Variants in CTNND2 observed in about 807,000 individuals in gnomAD.
CTNND2 encodes the protein catenin delta 2.
CTNND2 carries 22 observed loss-of-function variants against 144.4 expected under a neutral mutation model. The ratio of observed to expected loss-of-function variants is 0.15; its 90% confidence interval spans 0.11 to 0.22. The LOEUF (loss-of-function observed/expected upper bound fraction) is 0.22, where lower values mean the gene tolerates loss of function less well. Among genes scored for constraint, CTNND2 ranks in the 10% least tolerant of loss-of-function variants. CTNND2 has a pLI of 1.00. For synonymous variants in CTNND2, 751 were observed against 695.6 expected, an observed-to-expected ratio of 1.08 and a Z score of -1.25; for missense variants, 1,353 against 1,618.8, an observed-to-expected ratio of 0.84 and a Z score of 2.82.
chr5:11,131,845 T>C (rs1755641887), intron 12 of CTNND2, among the ~76,000 whole-genome samples: 1 of 152,164 alleles, frequency 6.6e-6, no homozygotes. Flanking sequence ...TAATTCCACA[T>C]ATGCAGTCAT....
At chr5:11,449,250 G>A (rs1765101283) in intron 3 of CTNND2, among the ~76,000 whole-genome samples, 1 of 152,064 alleles carries the variant, frequency 6.6e-6, no homozygotes, top group South Asian at 2.1e-4. Context: ...GTCTATAAGA[G>A]AAACCTACGC....
chr5:11,490,195 T>C (rs532608779), intron 3 of CTNND2, among the ~76,000 whole-genome samples: 1 of 152,174 alleles, frequency 6.6e-6, no homozygotes, highest in Non-Finnish European at 1.5e-5. Context: ...TTTTTTAAAA[T>C]TTTCATATGA....
At chr5:11,614,954 C>A (rs964641016) in intron 2 of CTNND2, among the ~76,000 whole-genome samples, 4 of 151,918 alleles carry the variant, frequency 2.6e-5, no homozygotes, top group South Asian at 2.1e-4. Flanking sequence ...TTAAAATGGG[C>A]AATGATGCAA....
chr5:11,340,902 A>G (rs60333373), intron 9 of CTNND2, among the ~76,000 whole-genome samples: 2,149 of 152,328 alleles, frequency 0.014, 51 homozygotes, highest in African/African-American at 0.048. Context: ...CGAATATAAA[A>G]TATTCAACAC....
intron 1 of CTNND2, among the ~76,000 whole-genome samples, chr5:11,794,528 G>C (rs1206741593): frequency 3.3e-5 from 5 of 152,140 alleles, no homozygotes; most frequent in African/African-American, 9.7e-5. Context: ...GATTTGCTTT[G>C]TCATCTGTAG....
Position 11,324,120 on chromosome 5 carries a change from T to C in CTNND2, c.1628+22252A>G, listed in dbSNP as rs576732779. ...GTCCTTGGATCGCTAAGCTACTCTG[T>C]CTTAGGTATTTTCTGACTATGGTCT... On this transcript the variant is annotated intron_variant, in intron 9 of 21. Transcript: ENST00000304623. 2.0e-5 allele frequency among the ~76,000 whole-genome samples: 3 copies of C among 152,264 alleles called. No individual in the cohort carries two copies. In the South Asian group the frequency reaches 6.2e-4, roughly 32 times the overall value.
chr5:11,719,825 CT>C (rs1030946762), intron 2 of CTNND2, among the ~76,000 whole-genome samples: 2 of 133,764 alleles, frequency 1.5e-5, no homozygotes, highest in African/African-American at 6.4e-5. Context: ...GTGGGTAGCT[CT>C]GACATATACA....
intron 9 of CTNND2, among the ~76,000 whole-genome samples, chr5:11,314,667 C>G (rs1751320186): frequency 6.6e-6 from 1 of 152,218 alleles, no homozygotes; most frequent in Non-Finnish European, 1.5e-5. Context: ...GCACCTGGCC[C>G]AGACTGGCTT....
intron 1 of CTNND2, among the ~76,000 whole-genome samples, chr5:11,745,846 T>G (rs1788280846): frequency 6.6e-6 from 1 of 152,204 alleles, no homozygotes; most frequent in Non-Finnish European, 1.5e-5. Context: ...CCAAACTTTC[T>G]TTGACAGAAA....
At chr5:11,081,110 A>ACACACACACACT (rs1311406555) in intron 16 of CTNND2, among the ~76,000 whole-genome samples, 1 of 141,914 alleles carries the variant, frequency 7.0e-6, no homozygotes, top group Non-Finnish European at 1.6e-5. Context: ...ACACACACTC[A>ACACACACACACT]CACACACACA....
At chr5:11,233,948 C>T (rs1164089523) in intron 10 of CTNND2, among the ~76,000 whole-genome samples, 3 of 151,598 alleles carry the variant, frequency 2.0e-5, no homozygotes, top group Non-Finnish European at 4.4e-5. Context: ...TCCCTTCCTT[C>T]TCATCCCAGC....
intron 1 of CTNND2, among the ~76,000 whole-genome samples, chr5:11,864,521 C>G (rs1439350464): frequency 6.6e-6 from 1 of 152,186 alleles, no homozygotes; most frequent in Admixed American, 6.5e-5. Context: ...GGTCCCAGCA[C>G]CTGGCTGACT....
rs746806956 is a variant in CTNND2, at chr5:11,082,718, G to A, written c.2766C>T (p.Asp922=). 6.2e-6 allele frequency: 10 copies of A among 1,614,156 alleles called. No homozygotes were observed. Among genetic ancestry groups the A allele is most frequent in the South Asian group, 5.5e-5 (5 of 91,078 alleles). ...VATALRNMAL[D]VRNKELIGKY... Reference sequence around the variant, plus strand: ...TACCGATGAGCTCCTTATTTCTGACGTCCAAGGCCATGTTCCGCAGCGCAG... The same window carrying A: ...TACCGATGAGCTCCTTATTTCTGACATCCAAGGCCATGTTCCGCAGCGCAG... Residue 922 remains aspartate, a synonymous_variant, in exon 16 of 22, where the codon GAC becomes GAT. Coordinates refer to ENST00000304623, the MANE Select transcript of CTNND2 (RefSeq NM_001332.4).
Position 11,384,790 on chromosome 5 carries a change from G to C in CTNND2, c.1052C>G (p.Ser351Cys), listed in dbSNP as rs761753748. ...ISSSPIHQLS[S>C]TIGTYATLSP... ...CAGGGTGGCGTACGTGCCGATGGTG[G>C]AGCTCAGCTGGTGGATGGGCGAGGA... The change falls in exon 7 of 22, where the codon TCC becomes TGC. Residue 351 changes from serine (S) to cysteine (C), a missense_variant. Coordinates refer to ENST00000304623, the MANE Select transcript of CTNND2 (RefSeq NM_001332.4). The surrounding 1 kb of genome is among the most constrained non-coding windows in gnomAD (Gnocchi z 5.2). 6.2e-7 allele frequency: 1 copy of C among 1,613,322 alleles called. No homozygotes were observed. The highest frequency in any genetic ancestry group is 1.1e-5 in the South Asian group (1 of 90,912).
In CTNND2 at chr5:11,188,179, A is replaced by G. The variant is rs551144630; in HGVS notation, c.1975+11269T>C. Among the ~76,000 whole-genome samples, 13 of 152,336 alleles carry G rather than the reference A, an allele frequency of 8.5e-5. No individual in the cohort carries two copies. In the East Asian group the frequency reaches 1.7e-3, roughly 20 times the overall value. On this transcript the variant is annotated intron_variant, in intron 11 of 21. Transcript: ENST00000304623. ...TATGTTCACTGCAGTACTAGTCACA[A>G]TAGCAAAGACATGAAATCAACTCAA... is the stretch of plus-strand genomic sequence containing the variant.
At chr5:11,739,981 A>T (rs1343679408) in intron 1 of CTNND2, among the ~76,000 whole-genome samples, 2 of 152,194 alleles carry the variant, frequency 1.3e-5, no homozygotes, top group African/African-American at 4.8e-5. Flanking sequence ...CCAACTTACA[A>T]GGGATGTGAA....
At chr5:11,660,103 G>A (rs530485320) in intron 2 of CTNND2, among the ~76,000 whole-genome samples, 3 of 152,208 alleles carry the variant, frequency 2.0e-5, no homozygotes, top group African/African-American at 7.2e-5. Context: ...GGTGGGATGA[G>A]CTCAGCAGTT....
At chr5:11,056,813 T>A (rs6894869) in intron 16 of CTNND2, among the ~76,000 whole-genome samples, 4 of 152,186 alleles carry the variant, frequency 2.6e-5, no homozygotes, top group Admixed American at 2.0e-4. Flanking sequence ...AATGCAGATA[T>A]GTGATGCTCA....
intron 14 of CTNND2, among the ~76,000 whole-genome samples, chr5:11,107,145 G>C (rs1311924665): frequency 6.6e-6 from 1 of 152,208 alleles, no homozygotes; most frequent in Admixed American, 6.5e-5. Flanking sequence ...CCAGATGTAA[G>C]TTGTAACTAT....
Sources: allele counts gnomAD v4.1 joint callset (sites outside exome capture counted in the v4.1 genomes callset), GRCh38; gene constraint gnomAD v4.1.1; non-coding constraint Gnocchi (gnomAD v3.1); transcripts MANE v1.5; gene names NCBI Gene and HGNC (gene_info 2026-07-23, HGNC 2026-07-21).